Variants in ATP6V1C2 observed in about 807,000 individuals in gnomAD.
ATP6V1C2 encodes the protein ATPase H+ transporting V1 subunit C2.
ATP6V1C2 carries 45 observed loss-of-function variants against 56.8 expected under a neutral mutation model. The observed-to-expected ratio is 0.79, with a 90% CI of 0.62 to 1.02. The LOEUF is 1.02. Ranked by LOEUF, ATP6V1C2 falls within the 50% of genes least tolerant of loss-of-function variation. The probability of loss-of-function intolerance (pLI) is 0.00; values close to 1 mark genes in which losing one functional copy is unlikely to be tolerated. For synonymous variants in ATP6V1C2, 220 were observed against 201.3 expected, an observed-to-expected ratio of 1.09 and a Z score of -0.79; for missense variants, 463 against 519.7, an observed-to-expected ratio of 0.89 and a Z score of 1.06.
chr2:10,742,035 G>A (rs1009833580), intron 3 of ATP6V1C2, among the ~76,000 whole-genome samples: 6 of 151,874 alleles, frequency 4.0e-5, no homozygotes, highest in Non-Finnish European at 8.8e-5. Context: ...TCAGCCTCCC[G>A]AGTAGCTGGG....
rs576869633 is a variant in ATP6V1C2, at chr2:10,764,002, AT to A, written c.284-328del. ...CTGTTCCCCAGAGACTTTTCTCTAA[AT>A]AGCATATACTGAAAAACGCACCTCC... is the stretch of plus-strand genomic sequence containing the variant. On this transcript the variant is annotated intron_variant, in intron 4 of 13. Coordinates refer to ENST00000272238, the MANE Select transcript of ATP6V1C2 (RefSeq NM_001039362.2). Among the ~76,000 whole-genome samples the A allele has an allele frequency of 1.4e-4, 22 of 152,342 alleles. No homozygotes were observed. In the East Asian group the frequency reaches 4.1e-3, roughly 28 times the overall value.
chr2:10,762,529 C>T (rs927663593), intron 4 of ATP6V1C2, among the ~76,000 whole-genome samples: 18 of 152,248 alleles, frequency 1.2e-4, no homozygotes, highest in South Asian at 2.1e-4. Flanking sequence ...TCATTGTCAC[C>T]GTCGTCGTCC....
intron 7 of ATP6V1C2, 124 bp from the exon 8 acceptor site, chr2:10,772,418 C>T: frequency 1.2e-6 from 1 of 827,822 alleles, no homozygotes; most frequent in Non-Finnish European, 2.1e-6. Context: ...GTGAGGGCTC[C>T]CTCTGACCCC....
At chr2:10,725,792 C>T (rs1019147079) in intron 2 of ATP6V1C2, among the ~76,000 whole-genome samples, 22 of 150,850 alleles carry the variant, frequency 1.5e-4, no homozygotes, top group South Asian at 2.1e-4. Context: ...GAGAAAAAGA[C>T]GGTGGGGCCG....
At chr2:10,752,921 G>A (rs1331744176) in intron 3 of ATP6V1C2, among the ~76,000 whole-genome samples, 4 of 152,132 alleles carry the variant, frequency 2.6e-5, no homozygotes, top group South Asian at 4.1e-4. Flanking sequence ...ACTTGAACCC[G>A]GGAGGCGGAG....
intron 3 of ATP6V1C2, among the ~76,000 whole-genome samples, chr2:10,738,552 G>T (rs926120858): frequency 1.3e-5 from 2 of 152,168 alleles, no homozygotes; most frequent in African/African-American, 4.8e-5. Flanking sequence ...CGGCTCCATT[G>T]TTCCCCAGGT....
rs545845994 is a variant in ATP6V1C2, at chr2:10,766,831, G to A, written c.379-1888G>A. Among the ~76,000 whole-genome samples, 3 of 152,194 alleles carry A rather than the reference G, an allele frequency of 2.0e-5. No individual in the cohort carries two copies. The East Asian group carries it at 5.8e-4, about 29-fold the overall frequency. Reference sequence around the variant, plus strand: ...TACAGTATACTTCTATCGTGCAGAAGATTTTAATATAGTTGTATAGTTGTA... The same window carrying A: ...TACAGTATACTTCTATCGTGCAGAAAATTTTAATATAGTTGTATAGTTGTA... On this transcript the variant is annotated intron_variant, in intron 5 of 13. Coordinates refer to ENST00000272238, the MANE Select transcript of ATP6V1C2 (RefSeq NM_001039362.2).
intron 3 of ATP6V1C2, among the ~76,000 whole-genome samples, chr2:10,728,229 A>T (rs1238671415): frequency 6.6e-6 from 1 of 152,032 alleles, no homozygotes; most frequent in Non-Finnish European, 1.5e-5. Context: ...CTATGGTCAC[A>T]TGCCATCATG....
intron 3 of ATP6V1C2, among the ~76,000 whole-genome samples, chr2:10,745,014 A>G (rs539451230): frequency 8.1e-4 from 100 of 123,390 alleles, no homozygotes; most frequent in Admixed American, 1.1e-3. Context: ...TATTTTTATC[A>G]TTTATTACCA....
intron 5 of ATP6V1C2, among the ~76,000 whole-genome samples, chr2:10,766,447 G>A (rs1038389872): frequency 1.3e-5 from 2 of 152,158 alleles, no homozygotes; most frequent in African/African-American, 4.8e-5. Flanking sequence ...GTCAGAACTG[G>A]CATTTAAATG....
chr2:10,745,036 A>ATT (rs1662815948), intron 3 of ATP6V1C2, among the ~76,000 whole-genome samples: 1 of 66,308 alleles, frequency 1.5e-5, no homozygotes, highest in African/African-American at 4.8e-5. Context: ...TTGTTTATTT[A>ATT]TTTTCTTTTT....
chr2:10,783,069 A>G (rs1665488761), intron 13 of ATP6V1C2, 105 bp from the exon 14 acceptor site: 5 of 795,796 alleles, frequency 6.3e-6, no homozygotes, highest in Non-Finnish European at 1.1e-5. Flanking sequence ...ACAGCTACGC[A>G]GAGCAGAACG....
In ATP6V1C2 at chr2:10,769,692, C is replaced by T. The variant is rs181908771; in HGVS notation, c.470+882C>T. Among the ~76,000 whole-genome samples the T allele has an allele frequency of 3.2e-3, 481 of 151,648 alleles. 5 individuals are homozygous for T. The highest frequency in any genetic ancestry group is 3.0e-3 in the Non-Finnish European group (204 of 67,884). On this transcript the variant is annotated intron_variant, in intron 6 of 13. Coordinates refer to ENST00000272238, the MANE Select transcript of ATP6V1C2 (RefSeq NM_001039362.2). The stretch of plus-strand genomic sequence containing the variant: ...ACTCCAGCCTGGGCATACAGTAAGA[C>T]TCTGCCTCAAAAACAAACAAACAAA...
chr2:10,731,702 A>C (rs147449408), intron 3 of ATP6V1C2, among the ~76,000 whole-genome samples: 158 of 152,322 alleles, frequency 1.0e-3, no homozygotes, highest in Non-Finnish European at 1.7e-3. Flanking sequence ...GGCCAAGCGC[A>C]GTAGCTCATG....
intron 13 of ATP6V1C2, 80 bp from the exon 14 acceptor site, chr2:10,783,094 G>A (rs1558432686): frequency 3.7e-6 from 4 of 1,093,522 alleles, no homozygotes; most frequent in Non-Finnish European, 5.6e-6. Context: ...CTCAGTGCCT[G>A]GCGAGCTTCC....
chr2:10,737,382 C>T (rs1287175210), intron 3 of ATP6V1C2, among the ~76,000 whole-genome samples: 1 of 148,580 alleles, frequency 6.7e-6, no homozygotes, highest in Non-Finnish European at 1.5e-5. Flanking sequence ...GAGATCACGC[C>T]ACTGTACTCC....
At chr2:10,723,542 A>G (rs1325604128) in intron 2 of ATP6V1C2, among the ~76,000 whole-genome samples, 1 of 152,048 alleles carries the variant, frequency 6.6e-6, no homozygotes, top group African/African-American at 2.4e-5. Context: ...CGAAACCAAC[A>G]TTAAGGAAGA....
intron 3 of ATP6V1C2, among the ~76,000 whole-genome samples, chr2:10,735,700 C>A (rs182496056): frequency 6.6e-6 from 1 of 151,920 alleles, no homozygotes; most frequent in African/African-American, 2.4e-5. Flanking sequence ...AAGCCATCCT[C>A]CTGCCTCAGC....
chr2:10,722,080 G>C (rs963059069), intron 1 of ATP6V1C2, among the ~76,000 whole-genome samples: 1 of 152,164 alleles, frequency 6.6e-6, no homozygotes, highest in Non-Finnish European at 1.5e-5. Context: ...CCAGCCGTCC[G>C]GAGACGCCGC....
Sources: allele counts gnomAD v4.1 joint callset (sites outside exome capture counted in the v4.1 genomes callset), GRCh38; gene constraint gnomAD v4.1.1; transcripts MANE v1.5; gene names NCBI Gene and HGNC (gene_info 2026-07-23, HGNC 2026-07-21).